Variants in PTCHD4 observed in about 807,000 individuals in gnomAD.
PTCHD4 encodes patched domain containing 4.
A neutral mutation model predicts 58.1 loss-of-function variants in PTCHD4; 33 were observed. The ratio of observed to expected loss-of-function variants is 0.57; its 90% CI spans 0.43 to 0.76. PTCHD4 has a LOEUF of 0.76. PTCHD4 is among the 30% of genes least tolerant of loss of function. The pLI is 0.00. For synonymous variants in PTCHD4, 478 were observed against 409.6 expected, an observed-to-expected ratio of 1.17 and a Z score of -2.02; for missense variants, 1,058 against 1,027.1, an observed-to-expected ratio of 1.03 and a Z score of -0.41.
intron 4 of PTCHD4, among the ~76,000 whole-genome samples, chr6:47,904,230 G>T (rs1034722376): frequency 6.6e-6 from 1 of 152,142 alleles, no homozygotes; most frequent in African/African-American, 2.4e-5. Context: ...AGAAGACAGG[G>T]ATAAAAGTGA....
intron 3 of PTCHD4, among the ~76,000 whole-genome samples, chr6:48,048,095 TAATG>T (rs950118075): frequency 3.4e-5 from 5 of 147,576 alleles, no homozygotes; most frequent in African/African-American, 1.3e-4. Flanking sequence ...GAAAAAGGGG[TAATG>T]AACTGTTGTG....
intron 4 of PTCHD4, among the ~76,000 whole-genome samples, chr6:47,912,059 A>G (rs1765087933): frequency 6.6e-6 from 1 of 152,102 alleles, no homozygotes; most frequent in Non-Finnish European, 1.5e-5. Context: ...ATTGTGTCAA[A>G]TGTTGCTCTG....
intron 4 of PTCHD4, among the ~76,000 whole-genome samples, chr6:48,008,327 CT>C (rs1762539192): frequency 6.6e-6 from 1 of 152,168 alleles, no homozygotes; most frequent in African/African-American, 2.4e-5. Flanking sequence ...GATTTTGGAT[CT>C]CCTTAACTCG....
At chr6:48,000,500 A>G (rs10456573) in intron 4 of PTCHD4, among the ~76,000 whole-genome samples, 1 of 151,916 alleles carries the variant, frequency 6.6e-6, no homozygotes, top group Non-Finnish European at 1.5e-5. Flanking sequence ...GCGTTTAGAG[A>G]TTTCTAGTTA....
At chr6:48,091,975 G>A (rs1166795510) in intron 1 of PTCHD4, among the ~76,000 whole-genome samples, 2 of 151,424 alleles carry the variant, frequency 1.3e-5, no homozygotes, top group Admixed American at 1.3e-4. Context: ...CCCAGATTAA[G>A]AGTACACACA....
At chr6:48,079,159 T>C (rs1582118712) in intron 1 of PTCHD4, among the ~76,000 whole-genome samples, 2 of 150,146 alleles carry the variant, frequency 1.3e-5, no homozygotes, top group African/African-American at 4.9e-5. Flanking sequence ...TTCCCAAAAG[T>C]GTATGCTTAC....
At chr6:48,078,667 C>CTTT (rs1471558011) in intron 1 of PTCHD4, among the ~76,000 whole-genome samples, 1 of 151,862 alleles carries the variant, frequency 6.6e-6, no homozygotes, top group African/African-American at 2.4e-5. Flanking sequence ...TTCTTCCTTC[C>CTTT]TTTTTTCATT....
chr6:48,045,266 A>G (rs1763994364), intron 3 of PTCHD4, among the ~76,000 whole-genome samples: 1 of 151,824 alleles, frequency 6.6e-6, no homozygotes, highest in African/African-American at 2.4e-5. Context: ...TTAGAATTAG[A>G]AAGTTTTCTT....
At chr6:47,908,970 C>T (rs958052064) in intron 4 of PTCHD4, among the ~76,000 whole-genome samples, 11 of 151,442 alleles carry the variant, frequency 7.3e-5, no homozygotes, top group African/African-American at 1.9e-4. Context: ...TTTAAAAAGT[C>T]TCTCTCTCAG....
At chr6:47,999,958 G>T (rs922508644) in intron 4 of PTCHD4, among the ~76,000 whole-genome samples, 2 of 152,096 alleles carry the variant, frequency 1.3e-5, no homozygotes, top group South Asian at 2.1e-4. Context: ...CAATCCATTT[G>T]CCCATCTGTG....
intron 4 of PTCHD4, among the ~76,000 whole-genome samples, chr6:47,965,383 T>C (rs1235466016): frequency 6.6e-6 from 1 of 152,206 alleles, no homozygotes; most frequent in Non-Finnish European, 1.5e-5. Context: ...AAAGCATCTG[T>C]GTATTTTTTA....
intron 3 of PTCHD4, among the ~76,000 whole-genome samples, chr6:48,041,843 T>A (rs1763858939): frequency 6.6e-6 from 1 of 152,074 alleles, no homozygotes; most frequent in Non-Finnish European, 1.5e-5. Flanking sequence ...TCTCTTTTTC[T>A]TATCTTTTAA....
At chr6:48,048,412 T>A (rs1347074158) in intron 3 of PTCHD4, among the ~76,000 whole-genome samples, 5 of 151,938 alleles carry the variant, frequency 3.3e-5, no homozygotes, top group African/African-American at 1.2e-4. Context: ...ACTTGAAAAA[T>A]GAACTGTCTG....
At chr6:47,933,602 T>C (rs1430941276) in intron 4 of PTCHD4, among the ~76,000 whole-genome samples, 1 of 152,218 alleles carries the variant, frequency 6.6e-6, no homozygotes, top group East Asian at 1.9e-4. Flanking sequence ...TCTCAAAAAC[T>C]GAGTTTTGGC....
chr6:47,857,718 T>G lies in PTCHD4; in HGVS notation c.*20585A>C, dbSNP rs974564366. 1.3e-5 allele frequency among the ~76,000 whole-genome samples: 2 copies of G among 151,990 alleles called. No homozygotes were observed. Among genetic ancestry groups the G allele is most frequent in the African/African-American group, 4.8e-5 (2 of 41,424 alleles). On this transcript the variant is annotated 3_prime_UTR_variant, in exon 5 of 5. Coordinates refer to ENST00000339488, the MANE Select transcript of PTCHD4 (RefSeq NM_001384253.1). ...TAGTTAATAGACTACTTATTTTCAT[T>G]TGGGGAACAGGAATGAAAACATTGT...
chr6:47,996,893 A>G (rs930352867), intron 4 of PTCHD4, among the ~76,000 whole-genome samples: 6 of 152,222 alleles, frequency 3.9e-5, no homozygotes, highest in African/African-American at 1.4e-4. Context: ...GGGGTATAAC[A>G]CTTTTCTAAA....
chr6:48,038,778 A>G (rs1763738360), intron 3 of PTCHD4, among the ~76,000 whole-genome samples: 1 of 152,070 alleles, frequency 6.6e-6, no homozygotes, highest in Admixed American at 6.5e-5. Context: ...AGACTGGGAT[A>G]ATGAAAAGAT....
chr6:47,912,595 T>A (rs78764095), intron 4 of PTCHD4, among the ~76,000 whole-genome samples: 7,766 of 152,230 alleles, frequency 0.051, 260 homozygotes, highest in African/African-American at 0.076. Context: ...CTTCATACCT[T>A]CTTTGAATGT....
intron 4 of PTCHD4, among the ~76,000 whole-genome samples, chr6:47,989,649 G>T (rs1768208027): frequency 6.6e-6 from 1 of 152,202 alleles, no homozygotes; most frequent in Non-Finnish European, 1.5e-5. Context: ...TATTAAGCCT[G>T]CAGGTGCACA....
Sources: gnomAD v4.1 joint callset for allele counts (sites outside exome capture counted in the v4.1 genomes callset) on GRCh38, gnomAD v4.1.1 for gene constraint, MANE v1.5 for transcripts, NCBI Gene and HGNC (gene_info 2026-07-23, HGNC 2026-07-21) for gene names.